DISP1: variants seen among roughly 807,000 people sequenced by gnomAD.
DISP1 encodes dispatched RND transporter family member 1.
DISP1 carries 30 observed loss-of-function variants against 37.3 expected under a neutral mutation model. The ratio of observed to expected loss-of-function variants is 0.80; its 90% CI spans 0.60 to 1.09. The LOEUF (loss-of-function observed/expected upper bound fraction) is 1.09, where lower values mean the gene tolerates loss of function less well. Ranked by LOEUF, DISP1 falls within the 50% of genes least tolerant of loss-of-function variation. DISP1 has a pLI of 0.00. For synonymous variants in DISP1, 634 were observed against 690.2 expected, an observed-to-expected ratio of 0.92 and a Z score of 1.28; for missense variants, 1,598 against 1,879.5, an observed-to-expected ratio of 0.85 and a Z score of 2.77.
intron 1 of DISP1, among the ~76,000 whole-genome samples, chr1:222,817,947 A>G (rs910833928): frequency 6.6e-6 from 1 of 152,230 alleles, no homozygotes; most frequent in Admixed American, 6.5e-5. Flanking sequence ...GGATTATATA[A>G]ATAGACTCAG....
At chr1:222,933,849 A>G (rs1272494583) in intron 2 of DISP1, among the ~76,000 whole-genome samples, 1 of 151,996 alleles carries the variant, frequency 6.6e-6, no homozygotes, top group Admixed American at 6.6e-5. Context: ...TAGTTCCTTA[A>G]AAGTGTCTGA....
chr1:222,950,606 A>C (rs1675148838), intron 3 of DISP1, among the ~76,000 whole-genome samples: 3 of 152,136 alleles, frequency 2.0e-5, no homozygotes, highest in Non-Finnish European at 2.9e-5. Context: ...TCTCAAAAAA[A>C]AAAAACCCAT....
rs74867837 is a variant in DISP1, at chr1:222,853,304, G to A, written c.-159+38226G>A. 4.7e-3 allele frequency among the ~76,000 whole-genome samples: 715 copies of A among 152,278 alleles called. 7 individuals carry two copies. Among genetic ancestry groups the A allele is most frequent in the Middle Eastern group, 0.027 (8 of 294 alleles). On this transcript the variant is annotated intron_variant, in intron 1 of 8. Transcript: ENST00000675850. ...AGGGAACTTATATGTTAGTGGGAAT[G>A]TAAATTAGTACAGCTACTATGGAGA...
intron 3 of DISP1, among the ~76,000 whole-genome samples, chr1:222,970,470 T>C (rs541948061): frequency 6.6e-6 from 1 of 152,334 alleles, no homozygotes; most frequent in South Asian, 2.1e-4. Context: ...TTATTGCCTA[T>C]TCATGTGAAA....
At chr1:222,926,416 CT>C (rs1394766924) in intron 1 of DISP1, among the ~76,000 whole-genome samples, 5 of 152,108 alleles carry the variant, frequency 3.3e-5, no homozygotes, top group Admixed American at 2.6e-4. Context: ...TATTTTCTGT[CT>C]GGTATATACA....
chr1:222,904,186 C>A (rs1399935271), intron 1 of DISP1, among the ~76,000 whole-genome samples: 2 of 152,174 alleles, frequency 1.3e-5, no homozygotes, highest in Admixed American at 1.3e-4. Context: ...AAACCAGTAC[C>A]TGCCAATGTG....
chr1:222,858,909 T>C (rs1668713025), intron 1 of DISP1, among the ~76,000 whole-genome samples: 1 of 152,214 alleles, frequency 6.6e-6, no homozygotes, highest in Admixed American at 6.5e-5. Flanking sequence ...TCAACCATTG[T>C]GGAAAACAGT....
intron 1 of DISP1, among the ~76,000 whole-genome samples, chr1:222,867,437 G>C (rs1264358454): frequency 6.6e-6 from 1 of 152,110 alleles, no homozygotes; most frequent in Non-Finnish European, 1.5e-5. Context: ...GCTTTCTTGA[G>C]TTGTTAAAAT....
intron 1 of DISP1, among the ~76,000 whole-genome samples, chr1:222,850,994 C>A (rs1487340743): frequency 6.6e-6 from 1 of 151,442 alleles, no homozygotes; most frequent in South Asian, 2.1e-4. Context: ...CCTGAGATCT[C>A]TGAATGTCCT....
intron 3 of DISP1, among the ~76,000 whole-genome samples, chr1:222,971,984 C>T (rs182728823): frequency 1.3e-5 from 2 of 152,156 alleles, no homozygotes; most frequent in Admixed American, 1.3e-4. Context: ...ACTTATAAAA[C>T]CGTACCCTCA....
At chr1:222,875,434 C>G (rs1205565494) in intron 1 of DISP1, among the ~76,000 whole-genome samples, 1 of 151,958 alleles carries the variant, frequency 6.6e-6, no homozygotes, top group African/African-American at 2.4e-5. Context: ...TATTGTGACT[C>G]TTATTTTGGC....
intron 3 of DISP1, among the ~76,000 whole-genome samples, chr1:222,960,895 A>G (rs910244395): frequency 2.6e-5 from 4 of 152,144 alleles, no homozygotes; most frequent in Non-Finnish European, 5.9e-5. Context: ...GGACACATAC[A>G]TCCTCCCAAG....
chr1:222,940,003 G>T (rs1674266579), intron 2 of DISP1, among the ~76,000 whole-genome samples: 1 of 151,948 alleles, frequency 6.6e-6, no homozygotes, highest in Non-Finnish European at 1.5e-5. Context: ...GTGGGCGCCT[G>T]TAGTCCCAGC....
intron 2 of DISP1, among the ~76,000 whole-genome samples, chr1:222,935,241 T>C (rs1214282661): frequency 6.6e-6 from 1 of 152,220 alleles, no homozygotes. Context: ...CTGAAACTGC[T>C]CTAGGGAGCA....
chr1:222,931,912 C>T (rs1430278747), intron 2 of DISP1, among the ~76,000 whole-genome samples: 3 of 151,902 alleles, frequency 2.0e-5, no homozygotes, highest in African/African-American at 4.8e-5. Context: ...CATTGTTCCA[C>T]GCAAAGTCTG....
intron 3 of DISP1, among the ~76,000 whole-genome samples, chr1:222,959,448 C>T (rs1300431874): frequency 6.6e-6 from 1 of 152,124 alleles, no homozygotes; most frequent in East Asian, 1.9e-4. Flanking sequence ...CACCTGTAAT[C>T]CCAGCACTTT....
At chr1:222,952,824 C>T (rs1423980468) in intron 3 of DISP1, among the ~76,000 whole-genome samples, 2 of 151,930 alleles carry the variant, frequency 1.3e-5, no homozygotes, top group Admixed American at 6.6e-5. Flanking sequence ...TCCAGCCTGG[C>T]GACAGAGGGA....
intron 3 of DISP1, among the ~76,000 whole-genome samples, chr1:222,961,208 C>T (rs537692059): frequency 3.9e-5 from 6 of 152,262 alleles, no homozygotes; most frequent in African/African-American, 9.6e-5. Flanking sequence ...AACATCAATG[C>T]GAAAATCCTC....
intron 1 of DISP1, among the ~76,000 whole-genome samples, chr1:222,904,472 T>C (rs893907615): frequency 6.6e-6 from 1 of 152,068 alleles, no homozygotes; most frequent in Admixed American, 6.5e-5. Flanking sequence ...CTAAAGTTTA[T>C]TTCTGATAGC....
Sources: allele counts gnomAD v4.1 joint callset (sites outside exome capture counted in the v4.1 genomes callset), GRCh38; gene constraint gnomAD v4.1.1; transcripts MANE v1.5; gene names NCBI Gene and HGNC (gene_info 2026-07-23, HGNC 2026-07-21).